PDE3A: variants seen among roughly 807,000 people sequenced by gnomAD.
The protein encoded by PDE3A is cGMP-inhibited 3',5'-cyclic phosphodiesterase 3A.
PDE3A carries 43 observed loss-of-function variants against 98.3 expected under a neutral mutation model. That is an observed-to-expected ratio of 0.44 (90% CI 0.34 to 0.56). The LOEUF is 0.56. PDE3A is among the 20% of genes least tolerant of loss of function. PDE3A has a pLI of 0.01. For synonymous variants in PDE3A, 663 were observed against 567.9 expected (o/e 1.17, Z -2.38); for missense variants, 1,427 against 1,440.7 (o/e 0.99, Z 0.15).
At chr12:20,411,871 T>C (rs1023736870) in intron 1 of PDE3A, among the ~76,000 whole-genome samples, 1 of 152,184 alleles carries the variant, frequency 6.6e-6, no homozygotes, top group African/African-American at 2.4e-5. Context: ...CTTTAAAAAA[T>C]TACCGTGTGC....
At chr12:20,632,948 G>GTTT (rs1944414890) in intron 6 of PDE3A, among the ~76,000 whole-genome samples, 1 of 99,212 alleles carries the variant, frequency 1.0e-5, no homozygotes, top group Non-Finnish European at 1.9e-5. Context: ...TAATAATGAG[G>GTTT]CTTTTTTTTT....
At chr12:20,556,613 G>T in intron 1 of PDE3A, 47 bp from the exon 2 acceptor site, 1 of 1,171,488 alleles carries the variant, frequency 8.5e-7, no homozygotes, top group Non-Finnish European at 1.3e-6. Context: ...AAAAATGTTT[G>T]TCAGGTAAAA....
At chr12:20,478,518 T>C (rs774959020) in intron 1 of PDE3A, among the ~76,000 whole-genome samples, 3 of 152,188 alleles carry the variant, frequency 2.0e-5, no homozygotes, top group Non-Finnish European at 4.4e-5. Flanking sequence ...GTTTTTCTTG[T>C]ATTTTCAGTA....
At chr12:20,415,121 C>A (rs1948491815) in intron 1 of PDE3A, among the ~76,000 whole-genome samples, 1 of 150,608 alleles carries the variant, frequency 6.6e-6, no homozygotes, top group Non-Finnish European at 1.5e-5. Context: ...TTCTCCCTTT[C>A]TATTTTTTTC....
chr12:20,498,876 T>C (rs1945972725), intron 1 of PDE3A, among the ~76,000 whole-genome samples: 1 of 152,132 alleles, frequency 6.6e-6, no homozygotes, highest in Non-Finnish European at 1.5e-5. Context: ...CCTCTGCCCC[T>C]CTGCCTCAGT....
At chr12:20,406,501 A>G (rs1036507164) in intron 1 of PDE3A, among the ~76,000 whole-genome samples, 2 of 152,122 alleles carry the variant, frequency 1.3e-5, no homozygotes, top group African/African-American at 4.8e-5. Flanking sequence ...CTTTTCATGT[A>G]CTTGTTGGCC....
intron 15 of PDE3A, among the ~76,000 whole-genome samples, chr12:20,672,378 C>T (rs1291735340): frequency 1.1e-5 from 1 of 87,570 alleles, no homozygotes; most frequent in African/African-American, 4.6e-5. Context: ...AAAAAAGAGC[C>T]CGCATCGCCA....
intron 1 of PDE3A, among the ~76,000 whole-genome samples, chr12:20,430,450 C>T (rs903495741): frequency 6.6e-6 from 1 of 152,064 alleles, no homozygotes; most frequent in Non-Finnish European, 1.5e-5. Context: ...AAACATCATA[C>T]CTTAAATGAG....
In PDE3A at chr12:20,613,596, G is replaced by T. The variant is rs1350816011; in HGVS notation, c.1165G>T (p.Ala389Ser). 1.2e-5 allele frequency: 19 copies of T among 1,614,036 alleles called. No homozygotes were observed. The highest frequency in any genetic ancestry group is 1.6e-5 in the Non-Finnish European group (19 of 1,179,922). ...NLLSTQLTFQAIHKPRVNPVT... is the reference protein window; with the variant it reads ...NLLSTQLTFQSIHKPRVNPVT... ...GCTCAGCACACAGCTCACCTTCCAG[G>T]CCATTCACAAGCCCAGAGTGAATCC... The change falls in exon 3 of 16, where the codon GCC becomes TCC. Residue 389 changes from alanine to serine, a missense_variant. By Grantham distance (99) the Ala-to-Ser change is moderately conservative. Transcript: ENST00000359062.
intron 15 of PDE3A, among the ~76,000 whole-genome samples, chr12:20,662,020 G>A (rs1460705744): frequency 6.6e-6 from 1 of 152,270 alleles, no homozygotes; most frequent in South Asian, 2.1e-4. Flanking sequence ...GAGGGAGGCT[G>A]TACCCTGTAA....
intron 15 of PDE3A, 47 bp from the exon 16 acceptor site, chr12:20,679,983 C>T (rs377211728): frequency 1.8e-4 from 254 of 1,439,614 alleles, no homozygotes; most frequent in Admixed American, 3.9e-4. Context: ...GTGCTCAGCA[C>T]ACAACTAAGT....
At chr12:20,550,228 GTTAGT>G (rs1175602225) in intron 1 of PDE3A, among the ~76,000 whole-genome samples, 2 of 152,024 alleles carry the variant, frequency 1.3e-5, no homozygotes. Flanking sequence ...TTTTGATCCT[GTTAGT>G]TTAAACTCAT....
At chr12:20,484,182 A>T (rs2121017305) in intron 1 of PDE3A, among the ~76,000 whole-genome samples, 1 of 152,328 alleles carries the variant, frequency 6.6e-6, no homozygotes, top group South Asian at 2.1e-4. Flanking sequence ...CAATACATAC[A>T]AATTTGTATC....
intron 1 of PDE3A, among the ~76,000 whole-genome samples, chr12:20,429,254 G>A (rs1265562214): frequency 6.6e-6 from 1 of 152,130 alleles, no homozygotes; most frequent in African/African-American, 2.4e-5. Flanking sequence ...CTACAATTAA[G>A]CCCATACGTT....
At chr12:20,391,480 T>C (rs867048298) in intron 1 of PDE3A, among the ~76,000 whole-genome samples, 1 of 151,048 alleles carries the variant, frequency 6.6e-6, no homozygotes, top group African/African-American at 2.4e-5. Flanking sequence ...CAATCCACTG[T>C]TGATTCTTTG....
In PDE3A at chr12:20,414,784, A is replaced by T. The variant is rs138635779; in HGVS notation, c.960+44540A>T. ...AAGTACAAATACTTACATAACAATT[A>T]TATTGAATTATTGTTATTTTTTTCT... is the stretch of plus-strand genomic sequence containing the variant. On this transcript the variant is annotated intron_variant, in intron 1 of 15. Transcript: ENST00000359062. Among the ~76,000 whole-genome samples, 566 of 152,336 alleles carry T rather than the reference A, an allele frequency of 3.7e-3. 2 individuals are homozygous for T. The highest frequency in any genetic ancestry group is 0.031 in the Middle Eastern group (9 of 294).
intron 1 of PDE3A, among the ~76,000 whole-genome samples, chr12:20,539,291 T>C (rs1941835162): frequency 6.6e-6 from 1 of 152,180 alleles, no homozygotes; most frequent in Non-Finnish European, 1.5e-5. Context: ...GGTAATTTTA[T>C]ACATTTTTTA....
intron 1 of PDE3A, among the ~76,000 whole-genome samples, chr12:20,551,135 C>G (rs1942187266): frequency 6.6e-6 from 1 of 151,596 alleles, no homozygotes; most frequent in Admixed American, 6.6e-5. Context: ...ATAGTAGTAT[C>G]TTGTCATTGT....
chr12:20,508,473 T>C (rs1592000238), intron 1 of PDE3A, among the ~76,000 whole-genome samples: 1 of 151,944 alleles, frequency 6.6e-6, no homozygotes, highest in African/African-American at 2.4e-5. Context: ...CAGTGTCTGG[T>C]ACATAATAGT....
Sources: gnomAD v4.1 joint callset for allele counts (sites outside exome capture counted in the v4.1 genomes callset) on GRCh38, gnomAD v4.1.1 for gene constraint, MANE v1.5 for transcripts, NCBI Gene and HGNC (gene_info 2026-07-23, HGNC 2026-07-21) for gene names.